Variants in ROBO2 observed in about 807,000 individuals in gnomAD.
ROBO2 encodes the protein roundabout homolog 2.
A neutral mutation model predicts 160.8 loss-of-function variants in ROBO2; 53 were observed. The ratio of observed to expected loss-of-function variants is 0.33; its 90% confidence interval spans 0.26 to 0.41. ROBO2 has a LOEUF of 0.41. ROBO2 is among the 10% of genes least tolerant of loss of function. ROBO2 has a pLI of 1.00. For synonymous variants in ROBO2, 664 were observed against 611.7 expected, an observed-to-expected ratio of 1.09 and a Z score of -1.26; for missense variants, 1,577 against 1,722.4, an observed-to-expected ratio of 0.92 and a Z score of 1.49.
intron 2 of ROBO2, among the ~76,000 whole-genome samples, chr3:77,204,334 T>A (rs1429363010): frequency 2.0e-5 from 3 of 152,208 alleles, no homozygotes; most frequent in Non-Finnish European, 2.9e-5. Context: ...ATGCTACTTT[T>A]ATTTTGTTCA....
At chr3:77,513,703 C>T (rs1229652615) in intron 5 of ROBO2, among the ~76,000 whole-genome samples, 3 of 151,736 alleles carry the variant, frequency 2.0e-5, no homozygotes, top group Non-Finnish European at 4.4e-5. Flanking sequence ...ATTCAGTTTT[C>T]GTTTTCTTTT....
intron 19 of ROBO2, among the ~76,000 whole-genome samples, chr3:77,598,393 C>A (rs1243987606): frequency 2.7e-5 from 4 of 149,680 alleles, no homozygotes; most frequent in East Asian, 2.0e-4. Flanking sequence ...AGAAAATAAC[C>A]ATTCCTACTT....
At chr3:77,484,731 C>T (rs1022499964) in intron 4 of ROBO2, among the ~76,000 whole-genome samples, 4 of 151,938 alleles carry the variant, frequency 2.6e-5, no homozygotes, top group Non-Finnish European at 5.9e-5. Context: ...CTCCACTTTT[C>T]CTTCTTTTTC....
At chr3:76,847,235 A>G (rs1453645191) in intron 2 of ROBO2, among the ~76,000 whole-genome samples, 1 of 152,126 alleles carries the variant, frequency 6.6e-6, no homozygotes, top group Non-Finnish European at 1.5e-5. Context: ...TTTAAACACT[A>G]TTCATCATGG....
chr3:76,401,227 G>T (rs530195131), intron 2 of ROBO2, among the ~76,000 whole-genome samples: 10 of 151,582 alleles, frequency 6.6e-5, no homozygotes, highest in African/African-American at 1.9e-4. Context: ...ACTTTATCTT[G>T]TAAATTTTTT....
intron 2 of ROBO2, among the ~76,000 whole-genome samples, chr3:76,021,714 C>T (rs72890375): frequency 0.067 from 10,129 of 151,800 alleles, 1,061 homozygotes; most frequent in African/African-American, 0.22. Context: ...TTTTAATATA[C>T]GTTATTGCTA....
chr3:77,328,837 T>C (rs1166843651), intron 2 of ROBO2, among the ~76,000 whole-genome samples: 1 of 152,162 alleles, frequency 6.6e-6, no homozygotes, highest in Non-Finnish European at 1.5e-5. Context: ...TCTCCAAAAA[T>C]GACAAGAATG....
At chr3:77,317,169 G>A in intron 2 of ROBO2, 2 of 974,952 alleles carry the variant, frequency 2.1e-6, no homozygotes, top group East Asian at 2.4e-5. Context: ...AGCCAGCCCT[G>A]TAACCCGGCA....
At chr3:77,573,922 A>G (rs139194341) in intron 13 of ROBO2, among the ~76,000 whole-genome samples, 169 of 151,822 alleles carry the variant, frequency 1.1e-3, no homozygotes, top group African/African-American at 4.0e-3. Context: ...CCTGGACTCC[A>G]TCTTCTCACC....
At position 75,989,873 on chromosome 3, in the gene ROBO2, A is replaced by G. The variant is rs145263645; in HGVS notation, c.109+52271A>G. 5.4e-3 allele frequency among the ~76,000 whole-genome samples: 828 copies of G among 152,328 alleles called. 11 individuals are homozygous for G. Among genetic ancestry groups the G allele is most frequent in the African/African-American group, 0.019 (803 of 41,580 alleles). On this transcript the variant is annotated intron_variant, in intron 2 of 26. Coordinates refer to the ROBO2 transcript ENST00000487694. ...TTGGTGGCGGTTTTGCATGTCAGCA[A>G]TTGCAGGCCCATTTTTGGCGATGTT...
intron 2 of ROBO2, among the ~76,000 whole-genome samples, chr3:77,359,653 C>G (rs76148202): frequency 0.016 from 2,470 of 152,148 alleles, 32 homozygotes; most frequent in African/African-American, 0.027. Flanking sequence ...AAGAAAACAT[C>G]TGAAATACCA....
chr3:76,771,562 T>A (rs1000187203), intron 2 of ROBO2, among the ~76,000 whole-genome samples: 9 of 151,234 alleles, frequency 6.0e-5, no homozygotes, highest in African/African-American at 2.2e-4. Flanking sequence ...CTGAAAAGAA[T>A]GTCCTTTTGC....
intron 2 of ROBO2, among the ~76,000 whole-genome samples, chr3:76,402,845 T>C (rs2077915827): frequency 6.6e-6 from 1 of 151,794 alleles, no homozygotes; most frequent in African/African-American, 2.4e-5. Flanking sequence ...TCTGATTAGA[T>C]TGGGCTCACC....
At chr3:77,179,011 T>C (rs1396946062) in intron 2 of ROBO2, among the ~76,000 whole-genome samples, 1 of 152,042 alleles carries the variant, frequency 6.6e-6, no homozygotes, top group African/African-American at 2.4e-5. Context: ...GAATCTTAGG[T>C]AGGTAGGTAT....
chr3:76,221,500 C>T (rs918015351), intron 2 of ROBO2, among the ~76,000 whole-genome samples: 1 of 152,172 alleles, frequency 6.6e-6, no homozygotes, highest in African/African-American at 2.4e-5. Flanking sequence ...AGCAGTGCCA[C>T]TCTCATTTTC....
chr3:77,274,818 G>T (rs2059723009), intron 2 of ROBO2, among the ~76,000 whole-genome samples: 1 of 152,008 alleles, frequency 6.6e-6, no homozygotes, highest in Non-Finnish European at 1.5e-5. Flanking sequence ...AATAATCTGA[G>T]CCAAAGAGAT....
At chr3:76,472,110 C>T (rs56026021) in intron 2 of ROBO2, among the ~76,000 whole-genome samples, 3,969 of 85,342 alleles carry the variant, frequency 0.047, 210 homozygotes, top group African/African-American at 0.1. Context: ...TGCGCGTGTG[C>T]GTGCGCATGT....
In ROBO2 at chr3:76,282,482, TA is replaced by T. The variant is rs549970048; in HGVS notation, c.109+344886del. Reference sequence around the variant, plus strand: ...AATACTAAAATTGTTTATTTTTTTCTAAAAAATAGCTAGTCATTATGAATGC... The same window carrying T: ...AATACTAAAATTGTTTATTTTTTTCTAAAAATAGCTAGTCATTATGAATGC... On this transcript the variant is annotated intron_variant, in intron 2 of 26. Transcript: ENST00000487694. 1.6e-3 allele frequency among the ~76,000 whole-genome samples: 244 copies of T among 152,170 alleles called. 2 individuals are homozygous for T. The highest frequency in any genetic ancestry group is 5.8e-3 in the African/African-American group (241 of 41,554).
At chr3:76,163,635 A>G (rs1405363206) in intron 2 of ROBO2, among the ~76,000 whole-genome samples, 1 of 151,802 alleles carries the variant, frequency 6.6e-6, no homozygotes, top group Admixed American at 6.6e-5. Flanking sequence ...ATATTGCAAT[A>G]AAGCGAATCA....
Sources: allele counts gnomAD v4.1 joint callset (sites outside exome capture counted in the v4.1 genomes callset), GRCh38; gene constraint gnomAD v4.1.1; transcripts MANE v1.5; gene names NCBI Gene and HGNC (gene_info 2026-07-23, HGNC 2026-07-21).